The following UPP2 variants were observed in gnomAD, a reference collection of about 807,000 sequenced individuals.
UPP2 encodes uridine phosphorylase 2.
In UPP2, 23 loss-of-function variants were observed where a neutral mutation model predicts 26.7. That is an observed-to-expected ratio of 0.86 (90% CI 0.62 to 1.22). UPP2 has a LOEUF of 1.22. Ranked by LOEUF, UPP2 falls within the 50% of genes most tolerant of loss-of-function variation. UPP2 has a pLI of 0.00. For synonymous variants in UPP2, 127 were observed against 141.3 expected, an observed-to-expected ratio of 0.90 and a Z score of 0.72; for missense variants, 387 against 396.7, an observed-to-expected ratio of 0.98 and a Z score of 0.21.
intron 1 of UPP2, among the ~76,000 whole-genome samples, chr2:158,105,542 G>A (rs772968851): frequency 6.6e-6 from 1 of 152,194 alleles, no homozygotes; most frequent in Non-Finnish European, 1.5e-5. Context: ...CAGAAGAAGA[G>A]TCCATGAAGT....
intron 3 of UPP2, among the ~76,000 whole-genome samples, chr2:158,044,756 C>T (rs1488464816): frequency 6.6e-6 from 1 of 152,072 alleles, no homozygotes; most frequent in African/African-American, 2.4e-5. Flanking sequence ...AATAAACTAA[C>T]AAAAGGAGGC....
chr2:158,115,122 C>A lies in UPP2; in HGVS notation c.202C>A (p.Pro68Thr). ...DVKFVCVGGSPNRMKAFALFM... is the reference protein window; with the variant it reads ...DVKFVCVGGSTNRMKAFALFM... ...ACAGTTTGTCTGTGTCGGTGGGAGC[C>A]CCAACAGAATGAAAGCATTTGCACT... Residue 68 changes from proline (P) to threonine (T), a missense_variant, in exon 3 of 7, where the codon CCC becomes ACC. Pro to Thr is a conservative substitution (Grantham distance 38, BLOSUM62 -1). Coordinates refer to ENST00000005756, the MANE Select transcript of UPP2 (RefSeq NM_173355.4). 1 of 1,609,162 alleles carries A rather than the reference C, an allele frequency of 6.2e-7. No homozygotes were observed. Among genetic ancestry groups the A allele is most frequent in the East Asian group, 2.2e-5 (1 of 44,750 alleles).
At chr2:158,098,155 G>C (rs546689891), upstream of UPP2, among the ~76,000 whole-genome samples, 3 of 152,216 alleles carry the variant, frequency 2.0e-5, no homozygotes, top group Admixed American at 6.5e-5. Context: ...ATAAGACAGA[G>C]AGAAAAAGTA....
Position 158,121,496 on chromosome 2 carries a change from T to C in UPP2, c.542T>C (p.Ile181Thr), listed in dbSNP as rs758537311. 2.5e-6 allele frequency: 4 copies of C among 1,613,334 alleles called. No homozygotes were observed. The highest frequency in any genetic ancestry group is 1.3e-5 in the African/African-American group (1 of 74,896). ...PRFEQVILDN[I>T]VTRSTELDKE... is the part of the protein sequence containing the mutation. Reference sequence around the variant, plus strand: ...TTTGAACAGGTCATTTTGGACAACATTGTCACCCGAAGTACTGAACTGGAC... The same window carrying C: ...TTTGAACAGGTCATTTTGGACAACACTGTCACCCGAAGTACTGAACTGGAC... The change falls in exon 5 of 7, where the codon ATT becomes ACT. Residue 181 changes from isoleucine (I) to threonine (T), a missense_variant. Physicochemically the swap from Ile to Thr is moderately conservative, Grantham distance 89. Transcript: ENST00000005756.
At position 158,104,974 on chromosome 2, in the gene UPP2, AGGGAAGAGAAGGGAAGGGAAGGGAG is replaced by A. The variant is rs1558932134; in HGVS notation, c.63-1120_63-1096del. 2.5e-4 allele frequency among the ~76,000 whole-genome samples: 13 copies of A among 53,034 alleles called. 1 individual carries two copies. Among genetic ancestry groups the A allele is most frequent in the African/African-American group, 1.6e-3 (13 of 8,384 alleles). 34.8% of individuals were successfully genotyped at this position (53,034 alleles called of 152,430 possible). On this transcript the variant is annotated intron_variant, in intron 1 of 6. Transcript: ENST00000005756. ...AGGGAAGGGAAGGGAAGGGAAGGGA[AGGGAAGAGAAGGGAAGGGAAGGGAG>A]GGGAGGGGAGGGGAGGGGAGGGGAG...
At chr2:158,028,385 A>G (rs535360312) in intron 3 of UPP2, among the ~76,000 whole-genome samples, 29 of 152,314 alleles carry the variant, frequency 1.9e-4, no homozygotes, top group African/African-American at 7.0e-4. Flanking sequence ...TTGCTAAAAC[A>G]TAACAAGAGT....
chr2:158,057,324 A>G (rs1468695411), intron 3 of UPP2, among the ~76,000 whole-genome samples: 1 of 152,170 alleles, frequency 6.6e-6, no homozygotes, highest in African/African-American at 2.4e-5. Flanking sequence ...CTTCAGGGTG[A>G]AAGATCTACA....
intron 6 of UPP2, among the ~76,000 whole-genome samples, chr2:158,125,487 G>A (rs1683674248): frequency 6.6e-6 from 1 of 151,560 alleles, no homozygotes; most frequent in African/African-American, 2.4e-5. Flanking sequence ...CGCAATCTCG[G>A]CTCACTATAA....
At chr2:158,028,862 A>G (rs2105154566) in intron 3 of UPP2, among the ~76,000 whole-genome samples, 1 of 152,360 alleles carries the variant, frequency 6.6e-6, no homozygotes, top group South Asian at 2.1e-4. Context: ...AGATTTCATG[A>G]GACTTATTCA....
chr2:158,015,354 G>A (rs1683641393), intron 2 of UPP2, among the ~76,000 whole-genome samples: 3 of 152,046 alleles, frequency 2.0e-5, no homozygotes, highest in African/African-American at 4.8e-5. Flanking sequence ...TTTTGTGACT[G>A]GCTTATTTCA....
At chr2:158,050,541 T>C (rs1168076218) in intron 3 of UPP2, among the ~76,000 whole-genome samples, 2 of 116,578 alleles carry the variant, frequency 1.7e-5, no homozygotes, top group African/African-American at 5.6e-5. Context: ...TATACACCTG[T>C]AGTCCAAGCT....
intron 2 of UPP2, among the ~76,000 whole-genome samples, chr2:158,108,880 G>C (rs1367635963): frequency 1.4e-5 from 2 of 146,428 alleles, no homozygotes; most frequent in African/African-American, 5.2e-5. Flanking sequence ...TGAATAGGAG[G>C]CAAAAGCGTG....
intron 3 of UPP2, among the ~76,000 whole-genome samples, chr2:158,045,938 G>A (rs138284967): frequency 6.6e-6 from 1 of 152,204 alleles, no homozygotes; most frequent in Non-Finnish European, 1.5e-5. Context: ...GGAGACTAGA[G>A]GAGACAAAGA....
intron 3 of UPP2, among the ~76,000 whole-genome samples, chr2:158,079,126 A>T (rs1176778909): frequency 6.6e-6 from 1 of 152,036 alleles, no homozygotes; most frequent in Non-Finnish European, 1.5e-5. Context: ...CCATGATTGT[A>T]AGTTTCCTGA....
At chr2:158,034,438 TGTCA>T (rs746916341) in intron 3 of UPP2, among the ~76,000 whole-genome samples, 37 of 152,172 alleles carry the variant, frequency 2.4e-4, no homozygotes, top group Non-Finnish European at 5.0e-4. Context: ...GTCCAGCAGG[TGTCA>T]GTAAGTTCTA....
chr2:158,001,250 A>G (rs1683400786), intron 2 of UPP2, among the ~76,000 whole-genome samples: 1 of 152,208 alleles, frequency 6.6e-6, no homozygotes, highest in Admixed American at 6.5e-5. Context: ...AGTAGAGTTT[A>G]TTAAGGAGAT....
At chr2:158,113,078 G>T (rs1683353291) in intron 2 of UPP2, among the ~76,000 whole-genome samples, 1 of 152,148 alleles carries the variant, frequency 6.6e-6, no homozygotes, top group Non-Finnish European at 1.5e-5. Context: ...TAGTGAGTCT[G>T]GTTTAGGAGT....
intron 2 of UPP2, 121 bp downstream of exon 2, chr2:158,106,337 C>T (rs1683194948): frequency 1.3e-6 from 1 of 746,090 alleles, no homozygotes; most frequent in Non-Finnish European, 2.2e-6. Context: ...ACTGAAGTCA[C>T]ACTCATTCTC....
At chr2:158,061,923 G>A (rs1574269273) in intron 3 of UPP2, among the ~76,000 whole-genome samples, 1 of 152,214 alleles carries the variant, frequency 6.6e-6, no homozygotes, top group East Asian at 1.9e-4. Flanking sequence ...GAGGCATGTG[G>A]GAACTTTTGG....
Sources: allele counts gnomAD v4.1 joint callset (sites outside exome capture counted in the v4.1 genomes callset), GRCh38; gene constraint gnomAD v4.1.1; transcripts MANE v1.5; gene names NCBI Gene and HGNC (gene_info 2026-07-23, HGNC 2026-07-21).